CFH: variants seen among roughly 807,000 people sequenced by gnomAD.
CFH encodes the protein H factor 1 (complement).
Under a neutral mutation model 147.3 loss-of-function variants are expected in CFH, and 53 were observed. That is an observed-to-expected ratio of 0.36 (90% CI 0.29 to 0.45). The LOEUF is 0.45. Ranked by LOEUF, CFH falls within the 20% of genes least tolerant of loss-of-function variation. The probability of loss-of-function intolerance (pLI) is 1.00; values close to 1 mark genes in which losing one functional copy is unlikely to be tolerated. For missense variants in CFH, 1,380 were observed against 1,498.0 expected (o/e 0.92, Z 1.30); for synonymous variants, 536 against 489.4 (o/e 1.10, Z -1.26).
chr1:196,713,074 C>G (rs1249526480), intron 9 of CFH, among the ~76,000 whole-genome samples: 1 of 152,006 alleles, frequency 6.6e-6, no homozygotes, highest in African/African-American at 2.4e-5. Context: ...CCGCAATAAA[C>G]ATACATGTGC....
chr1:196,722,776 G>A (rs146949205), intron 11 of CFH, among the ~76,000 whole-genome samples: 43 of 152,114 alleles, frequency 2.8e-4, no homozygotes, highest in African/African-American at 1.0e-3. Flanking sequence ...ATTAAAAAAT[G>A]TTATTTGCTC....
intron 15 of CFH, among the ~76,000 whole-genome samples, chr1:196,732,433 G>T (rs1201092847): frequency 1.3e-5 from 2 of 151,778 alleles, no homozygotes; most frequent in African/African-American, 4.8e-5. Context: ...CCATTATTTT[G>T]AATTCTTTCT....
At chr1:196,665,851 C>A (rs559897777) in intron 1 of CFH, among the ~76,000 whole-genome samples, 32 of 152,216 alleles carry the variant, frequency 2.1e-4, no homozygotes, top group African/African-American at 7.7e-4. Flanking sequence ...AGGTGATCCA[C>A]CCATCTCAGC....
chr1:196,664,423 G>A (rs942664595), intron 1 of CFH, among the ~76,000 whole-genome samples: 3 of 152,076 alleles, frequency 2.0e-5, no homozygotes, highest in African/African-American at 7.2e-5. Context: ...TGAATCCCAA[G>A]GCACTCAAAT....
chr1:196,671,480 TTTTAGTTTG>T (rs1246498328), intron 1 of CFH, among the ~76,000 whole-genome samples: 5 of 151,810 alleles, frequency 3.3e-5, no homozygotes, highest in African/African-American at 1.2e-4. Context: ...TGGGTAACAC[TTTTAGTTTG>T]AGTCAGTCCC....
chr1:196,726,802 G>A lies in CFH; in HGVS notation c.2098G>A (p.Gly700Ser). Reference sequence around the variant, plus strand: ...TGGAGATATACCTGAACTTGAACATGGCTGGGCCCAGCTTTCTTCCCCTCC... The same window carrying A: ...TGGAGATATACCTGAACTTGAACATAGCTGGGCCCAGCTTTCTTCCCCTCC... ...TCGDIPELEH[G>S]WAQLSSPPYY... The change falls in exon 14 of 22, where the codon GGC (glycine) becomes AGC (serine). Residue 700 changes from glycine to serine, a missense_variant. Physicochemically the swap from Gly to Ser is moderately conservative, Grantham distance 56 (BLOSUM62 0). Transcript: ENST00000367429. The A allele has an allele frequency of 1.9e-6, 3 of 1,613,764 alleles. No homozygotes were observed. The highest frequency in any genetic ancestry group is 2.5e-6 in the Non-Finnish European group (3 of 1,179,832).
At chr1:196,696,308 A>T (rs1176949896) in intron 9 of CFH, among the ~76,000 whole-genome samples, 2 of 152,186 alleles carry the variant, frequency 1.3e-5, no homozygotes, top group Non-Finnish European at 2.9e-5. Flanking sequence ...TAAGAAACTC[A>T]TTCAAAACTA....
intron 1 of CFH, among the ~76,000 whole-genome samples, chr1:196,669,554 C>G (rs1408955995): frequency 2.0e-5 from 3 of 152,194 alleles, no homozygotes; most frequent in Non-Finnish European, 4.4e-5. Flanking sequence ...ACAGCTTGGG[C>G]CATTGCTTCA....
rs1054618656 is a variant in CFH, at chr1:196,726,632, C to A, written c.2036C>A (p.Thr679Lys). 1 of 1,611,080 alleles carries A rather than the reference C, an allele frequency of 6.2e-7. No individual in the cohort carries two copies. The highest frequency in any genetic ancestry group is 8.5e-7 in the Non-Finnish European group (1 of 1,177,520). The change falls in exon 13 of 22, where the codon ACA (threonine) becomes AAA (lysine). Residue 679 changes from threonine (T) to lysine (K), a missense_variant. Thr to Lys is a moderately conservative substitution (Grantham distance 78). Coordinates refer to ENST00000367429, the MANE Select transcript of CFH (RefSeq NM_000186.4). ...ATTCAATGTGTTGATGGAGAGTGGA[C>A]AACTTTACCAGTGTGTATTGGTAAT... is the stretch of plus-strand genomic sequence containing the variant. Reference protein sequence around the residue: ...NKIQCVDGEWTTLPVCIVEES... With the variant: ...NKIQCVDGEWKTLPVCIVEES...
In CFH at chr1:196,725,140, T is replaced by C. The variant is rs1222186018; in HGVS notation, c.1716T>C (p.Pro572=). ...TTCAAGAAAGAGAATGCGAACTTCC[T>C]AAAATAGATGTACACTTAGTTCCTG... The part of the protein sequence containing the change: ...PICYERECEL[P]KIDVHLVPDR... Residue 572 remains proline, a synonymous_variant, in exon 12 of 22, where the codon CCT becomes CCC. Transcript: ENST00000367429. 1.9e-6 allele frequency: 3 copies of C among 1,613,534 alleles called. No individual in the cohort carries two copies. Among genetic ancestry groups the C allele is most frequent in the East Asian group, 2.2e-5 (1 of 44,780 alleles).
intron 9 of CFH, among the ~76,000 whole-genome samples, chr1:196,693,955 G>GGTGTGTGTGT (rs71567586): frequency 0.056 from 7,932 of 142,656 alleles, 335 homozygotes; most frequent in African/African-American, 0.11. Context: ...TTAGATAAAT[G>GGTGTGTGTGT]GTGTGTGTGT....
intron 1 of CFH, among the ~76,000 whole-genome samples, chr1:196,663,748 G>A (rs947949740): frequency 6.6e-6 from 1 of 152,096 alleles, no homozygotes; most frequent in African/African-American, 2.4e-5. Flanking sequence ...AAATTCCTTG[G>A]TGCTCTAAGC....
chr1:196,684,379 A>C (rs1294960296), intron 6 of CFH, among the ~76,000 whole-genome samples: 1 of 152,016 alleles, frequency 6.6e-6, no homozygotes, highest in African/African-American at 2.4e-5. Flanking sequence ...AATGTAATGC[A>C]GTATCTCAAT....
intron 9 of CFH, among the ~76,000 whole-genome samples, chr1:196,693,603 G>A (rs866269546): frequency 1.3e-5 from 2 of 152,024 alleles, no homozygotes; most frequent in African/African-American, 4.8e-5. Flanking sequence ...TGCTCTGGGC[G>A]GGATGGAGCT....
Position 196,740,508 on chromosome 1 carries a change from A to C in CFH, c.2783-111A>C, listed in dbSNP as rs557890944. On this transcript the variant is annotated intron_variant, in intron 17 of 21. Coordinates refer to ENST00000367429, the MANE Select transcript of CFH (RefSeq NM_000186.4). The stretch of plus-strand genomic sequence containing the variant: ...ATTTGTGTTACTTCTCTGTGATGTC[A>C]TAGTAGCTCCTGTATTGTTTATTTT... The C allele has an allele frequency of 9.5e-4, 997 of 1,044,114 alleles. 2 individuals carry two copies. Among genetic ancestry groups the C allele is most frequent in the Non-Finnish European group, 1.2e-3 (877 of 709,070 alleles). The allele number at this position is 1,044,114 out of a possible 1,614,324, so 64.7% of individuals were successfully genotyped here.
At chr1:196,679,496 A>G in intron 5 of CFH, 127 bp from the exon 6 acceptor site, 1 of 669,016 alleles carries the variant, frequency 1.5e-6, no homozygotes. Context: ...TCAAGTCAAA[A>G]CAGAACTTTT....
At chr1:196,679,071 A>T (rs939478194) in intron 5 of CFH, 39 of 153,184 alleles carry the variant, frequency 2.5e-4, no homozygotes, top group African/African-American at 9.2e-4. Flanking sequence ...ACTACTTATG[A>T]TTGGCACAAT....
chr1:196,726,620 A>G lies in CFH; in HGVS notation c.2024A>G (p.Asp675Gly). The change falls in exon 13 of 22, where the codon GAT becomes GGT. Residue 675 changes from aspartate (D) to glycine (G), a missense_variant. Asp to Gly is a moderately conservative substitution (Grantham distance 94). Coordinates refer to ENST00000367429, the MANE Select transcript of CFH (RefSeq NM_000186.4). ...GGACCTAATAAAATTCAATGTGTTG[A>G]TGGAGAGTGGACAACTTTACCAGTG... The part of the protein sequence containing the change: ...MKGPNKIQCV[D>G]GEWTTLPVCI... The G allele has an allele frequency of 6.2e-7, 1 of 1,612,108 alleles. No individual in the cohort carries two copies. Among genetic ancestry groups the G allele is most frequent in the Non-Finnish European group, 8.5e-7 (1 of 1,178,266 alleles).
rs564799422 is a variant in CFH, at chr1:196,745,641, T to C, written c.3311-176T>C. ...GTTCTTTCAGTACGGAGAAAAGAAC[T>C]TAAATATATTACTTTCAGTTTAAAG... On this transcript the variant is annotated intron_variant, in intron 20 of 21. Coordinates refer to ENST00000367429, the MANE Select transcript of CFH (RefSeq NM_000186.4). Among the ~76,000 whole-genome samples, 10 of 152,328 alleles carry C rather than the reference T, an allele frequency of 6.6e-5. No homozygotes were observed. In the East Asian group the frequency reaches 1.9e-3, roughly 29 times the overall value.
Sources: allele counts gnomAD v4.1 joint callset (sites outside exome capture counted in the v4.1 genomes callset), GRCh38; gene constraint gnomAD v4.1.1; transcripts MANE v1.5; gene names NCBI Gene and HGNC (gene_info 2026-07-23, HGNC 2026-07-21).